The following CCDC30 variants were observed in gnomAD, a reference collection of about 807,000 sequenced individuals.
CCDC30 encodes the protein coiled-coil domain containing 30, also known as coiled-coil domain-containing protein 30.
In CCDC30, 70 loss-of-function variants were observed where a neutral mutation model predicts 100.2. The ratio of observed to expected loss-of-function variants is 0.70; its 90% CI spans 0.58 to 0.85. The LOEUF is 0.85. Ranked by LOEUF, CCDC30 falls within the 40% of genes least tolerant of loss-of-function variation. The pLI, the probability that CCDC30 is intolerant of heterozygous loss-of-function variation, is 0.00. For synonymous variants in CCDC30, 233 were observed against 269.5 expected (o/e 0.86, Z 1.33); for missense variants, 652 against 771.2 (o/e 0.85, Z 1.83).
At chr1:42,462,221 T>C (rs368691311), upstream of CCDC30, among the ~76,000 whole-genome samples, 1 of 151,434 alleles carries the variant, frequency 6.6e-6, no homozygotes, top group East Asian at 1.9e-4. Flanking sequence ...TCCAGGGGGG[T>C]GGGGGAGAGT....
chr1:42,567,960 G>T (rs915420770), intron 7 of CCDC30, among the ~76,000 whole-genome samples: 10 of 151,878 alleles, frequency 6.6e-5, no homozygotes, highest in African/African-American at 1.2e-4. Flanking sequence ...AAGAGAGAGA[G>T]AATTTTTTTT....
chr1:42,474,617 G>A (rs980815471), intron 1 of CCDC30, among the ~76,000 whole-genome samples: 1 of 152,090 alleles, frequency 6.6e-6, no homozygotes, highest in African/African-American at 2.4e-5. Flanking sequence ...TATTTCGGTA[G>A]TCTACTTCTA....
chr1:42,584,195 C>A (rs1417531590), intron 9 of CCDC30, among the ~76,000 whole-genome samples: 3 of 152,176 alleles, frequency 2.0e-5, no homozygotes, highest in African/African-American at 4.8e-5. Context: ...CCACTATAAC[C>A]AGAAACTTAC....
At chr1:42,590,664 AGGTCGG>A (rs1355363131) in intron 10 of CCDC30, 2 of 152,078 alleles carry the variant, frequency 1.3e-5, no homozygotes, top group African/African-American at 4.8e-5. Flanking sequence ...TTGAGCTGGG[AGGTCGG>A]GGTTGCAATG....
At chr1:42,476,637 C>T (rs1643884641) in intron 1 of CCDC30, among the ~76,000 whole-genome samples, 1 of 149,692 alleles carries the variant, frequency 6.7e-6, no homozygotes, top group Non-Finnish European at 1.5e-5. Flanking sequence ...TTGTGGTGAG[C>T]GGAGATTGTG....
chr1:42,551,819 A>AACTACAC (rs1645258731), intron 6 of CCDC30, among the ~76,000 whole-genome samples: 1 of 150,956 alleles, frequency 6.6e-6, no homozygotes. Context: ...CAGTGGTGCC[A>AACTACAC]TCACAGCTCA....
At chr1:42,542,539 C>CTTTTTTTTTTT (rs58751072) in intron 6 of CCDC30, among the ~76,000 whole-genome samples, 16 of 75,576 alleles carry the variant, frequency 2.1e-4, no homozygotes, top group African/African-American at 2.8e-4. Flanking sequence ...TTAAATTTTT[C>CTTTTTTTTTTT]TTTTTTTTTT....
intron 4 of CCDC30, among the ~76,000 whole-genome samples, chr1:42,496,713 G>A (rs1382069044): frequency 1.3e-5 from 2 of 152,138 alleles, no homozygotes; most frequent in African/African-American, 4.8e-5. Flanking sequence ...AATGGACTAG[G>A]AGGTATGTAA....
intron 6 of CCDC30, among the ~76,000 whole-genome samples, chr1:42,517,784 T>C (rs1169655413): frequency 1.3e-5 from 2 of 152,228 alleles, no homozygotes; most frequent in African/African-American, 4.8e-5. Context: ...AGATCAAATA[T>C]GCGAGAGTTT....
intron 9 of CCDC30, among the ~76,000 whole-genome samples, chr1:42,587,952 G>T (rs1162056989): frequency 2.6e-5 from 4 of 152,168 alleles, no homozygotes; most frequent in African/African-American, 9.7e-5. Flanking sequence ...CTTTATTAGG[G>T]TGCCGCAGTT....
At chr1:42,621,628 C>A (rs976078108) in intron 11 of CCDC30, among the ~76,000 whole-genome samples, 5 of 152,260 alleles carry the variant, frequency 3.3e-5, no homozygotes, top group African/African-American at 1.2e-4. Context: ...TCTCCTGCCT[C>A]AGCCTCCGGA....
chr1:42,643,694 C>G (rs1557490264), intron 13 of CCDC30, among the ~76,000 whole-genome samples: 1 of 152,086 alleles, frequency 6.6e-6, no homozygotes, highest in Non-Finnish European at 1.5e-5. Flanking sequence ...AACTGAGGCT[C>G]AGATTTGTCA....
the CCDC30 span, chr1:42,457,081 C>T: frequency 6.3e-7 from 1 of 1,586,836 alleles, no homozygotes; most frequent in Non-Finnish European, 8.5e-7. Context: ...TAGGTGCGTG[C>T]CCTAGGAGTA....
intron 10 of CCDC30, among the ~76,000 whole-genome samples, chr1:42,605,504 G>T (rs1284043948): frequency 6.6e-6 from 1 of 151,846 alleles, no homozygotes; most frequent in African/African-American, 2.4e-5. Flanking sequence ...TTTCAGACAG[G>T]GTCTCACTCT....
chr1:42,457,292 A>C, the CCDC30 span: 1 of 1,613,994 alleles, frequency 6.2e-7, no homozygotes, highest in Non-Finnish European at 8.5e-7. Context: ...TCAGATTTCT[A>C]TGTTCCTGTC....
At chr1:42,566,223 G>A in intron 6 of CCDC30, 73 bp from the exon 11 acceptor site, 1 of 1,204,216 alleles carries the variant, frequency 8.3e-7, no homozygotes, top group Non-Finnish European at 1.2e-6. Context: ...TTCCGGTTCT[G>A]ACAACTTGAA....
chr1:42,460,913 A>C (rs1643393589), upstream of CCDC30, among the ~76,000 whole-genome samples: 2 of 152,278 alleles, frequency 1.3e-5, no homozygotes, highest in Non-Finnish European at 2.9e-5. Context: ...TTAGCAAAGC[A>C]GTGTTACACC....
intron 6 of CCDC30, among the ~76,000 whole-genome samples, chr1:42,559,877 C>G (rs112853665): frequency 0.012 from 1,834 of 152,188 alleles, 35 homozygotes; most frequent in African/African-American, 0.043. Flanking sequence ...CTAAAATCGA[C>G]CACATAATTG....
At chr1:42,461,993 G>A (rs979754529), upstream of CCDC30, among the ~76,000 whole-genome samples, 1 of 152,176 alleles carries the variant, frequency 6.6e-6, no homozygotes, top group South Asian at 2.1e-4. Context: ...TGTGGATGAT[G>A]ACTGTCATCT....
Sources: allele counts gnomAD v4.1 joint callset (sites outside exome capture counted in the v4.1 genomes callset), GRCh38; gene constraint gnomAD v4.1.1; transcripts MANE v1.5; gene names NCBI Gene and HGNC (gene_info 2026-07-23, HGNC 2026-07-21).